Variants in BMERB1 observed in about 807,000 individuals in gnomAD.
BMERB1 encodes bMERB domain-containing protein 1.
BMERB1 carries 12 observed loss-of-function variants against 23.6 expected under a neutral mutation model. That is an observed-to-expected ratio of 0.51 (90% CI 0.33 to 0.82). BMERB1 has a LOEUF of 0.82. Among genes scored for constraint, BMERB1 ranks in the 40% least tolerant of loss-of-function variants. The pLI is 0.03. For synonymous variants in BMERB1, 122 were observed against 96.6 expected, an observed-to-expected ratio of 1.26 and a Z score of -1.54; for missense variants, 247 against 255.4, an observed-to-expected ratio of 0.97 and a Z score of 0.22.
intron 2 of BMERB1, among the ~76,000 whole-genome samples, chr16:15,549,952 G>C (rs943222182): frequency 6.6e-6 from 1 of 151,584 alleles, no homozygotes; most frequent in African/African-American, 2.4e-5. Flanking sequence ...CATTTCAAAA[G>C]CACGTTTTTT....
intron 4 of BMERB1, among the ~76,000 whole-genome samples, chr16:15,582,055 A>G (rs1367085317): frequency 6.6e-6 from 1 of 152,180 alleles, no homozygotes; most frequent in Non-Finnish European, 1.5e-5. Flanking sequence ...TCATGCTGCA[A>G]TGGACTTCTG....
chr16:15,547,794 G>T (rs955983761), intron 2 of BMERB1, among the ~76,000 whole-genome samples: 2 of 152,204 alleles, frequency 1.3e-5, no homozygotes, highest in African/African-American at 4.8e-5. Flanking sequence ...AGGATCCACA[G>T]GTCAGTGTCC....
intron 1 of BMERB1, 144 bp downstream of exon 1, chr16:15,434,903 C>T: frequency 1.5e-6 from 1 of 666,900 alleles, no homozygotes; most frequent in Non-Finnish European, 2.5e-6. Flanking sequence ...GGGGGATACG[C>T]AGCTCTGCGC....
At chr16:15,511,838 C>G (rs2051669742) in intron 1 of BMERB1, among the ~76,000 whole-genome samples, 1 of 151,824 alleles carries the variant, frequency 6.6e-6, no homozygotes, top group Admixed American at 6.6e-5. Flanking sequence ...ATGGCGAAAC[C>G]CTGTCTCTAC....
intron 2 of BMERB1, among the ~76,000 whole-genome samples, chr16:15,567,688 G>A (rs747464839): frequency 1.3e-5 from 2 of 152,022 alleles, no homozygotes; most frequent in East Asian, 1.9e-4. Flanking sequence ...GCTTGAACCC[G>A]GAAGGTGGAG....
intron 2 of BMERB1, among the ~76,000 whole-genome samples, chr16:15,551,002 A>G (rs916336949): frequency 2.6e-5 from 4 of 152,220 alleles, no homozygotes; most frequent in African/African-American, 9.6e-5. Flanking sequence ...ACACAGTGGC[A>G]GGAACTCGCA....
At chr16:15,566,731 A>G (rs779828745) in intron 2 of BMERB1, among the ~76,000 whole-genome samples, 2 of 152,208 alleles carry the variant, frequency 1.3e-5, no homozygotes, top group Non-Finnish European at 2.9e-5. Context: ...ATAATGGTAT[A>G]CTATGCAGCC....
chr16:15,525,945 A>G (rs142915231), intron 2 of BMERB1, among the ~76,000 whole-genome samples: 127 of 152,220 alleles, frequency 8.3e-4, no homozygotes, highest in African/African-American at 3.0e-3. Flanking sequence ...AGTAAAGATG[A>G]ACAGGTGATT....
intron 1 of BMERB1, among the ~76,000 whole-genome samples, chr16:15,444,975 A>G (rs2050976676): frequency 6.6e-6 from 1 of 152,170 alleles, no homozygotes; most frequent in African/African-American, 2.4e-5. Flanking sequence ...CAGCTCTTGC[A>G]AGCCTCAACC....
At chr16:15,536,686 T>C (rs1237802654) in intron 2 of BMERB1, 1 of 152,162 alleles carries the variant, frequency 6.6e-6, no homozygotes, top group Non-Finnish European at 1.5e-5. Flanking sequence ...TGCAATCACA[T>C]GGAGAACTTT....
intron 1 of BMERB1, among the ~76,000 whole-genome samples, chr16:15,452,109 A>G (rs1266257980): frequency 6.6e-6 from 1 of 151,574 alleles, no homozygotes; most frequent in African/African-American, 2.4e-5. Context: ...GGGAGATCCC[A>G]TCTCTACAAA....
intron 1 of BMERB1, among the ~76,000 whole-genome samples, chr16:15,504,849 C>T (rs185562154): frequency 2.0e-5 from 3 of 151,916 alleles, no homozygotes; most frequent in Non-Finnish European, 4.4e-5. Flanking sequence ...GATTCTCCCC[C>T]AACACTGACT....
chr16:15,467,654 C>T (rs1555506682), intron 1 of BMERB1, among the ~76,000 whole-genome samples: 2 of 152,172 alleles, frequency 1.3e-5, no homozygotes, highest in African/African-American at 4.8e-5. Context: ...CTTGTTTTTT[C>T]ACTTTCTTGT....
chr16:15,568,118 T>C (rs1168134761), intron 3 of BMERB1, 62 bp downstream of exon 3: 1 of 1,422,812 alleles, frequency 7.0e-7, no homozygotes, highest in Non-Finnish European at 9.8e-7. Flanking sequence ...GCCTGGCCCA[T>C]CTGTACGCCT....
At chr16:15,467,592 T>C (rs187310656) in intron 1 of BMERB1, among the ~76,000 whole-genome samples, 5 of 152,320 alleles carry the variant, frequency 3.3e-5, no homozygotes, top group African/African-American at 1.2e-4. Flanking sequence ...GTATTCTAAA[T>C]ACAGGTCCTT....
chr16:15,469,449 A>G (rs1192596683), intron 1 of BMERB1, among the ~76,000 whole-genome samples: 1 of 152,132 alleles, frequency 6.6e-6, no homozygotes, highest in Non-Finnish European at 1.5e-5. Context: ...ATATTTCTCA[A>G]ATTATTTTAG....
rs2050871716 is a variant in BMERB1, at chr16:15,434,722, G to A, written c.69G>A (p.Val23=). The A allele has an allele frequency of 6.2e-7, 1 of 1,612,062 alleles. No homozygotes were observed. The highest frequency in any genetic ancestry group is 8.5e-7 in the Non-Finnish European group (1 of 1,178,974). ...AGCCTCTGAGGCGCTATGGGGCGGT[G>A]GAGGAGACGGCTTGGAAAACGGAGA... The part of the protein sequence containing the change: ...AEKPLRRYGA[V]EETAWKTERL... The change falls in exon 1 of 6, where the codon GTG becomes GTA. Residue 23 remains valine (V), a synonymous_variant. Transcript: ENST00000300006.
At chr16:15,573,689 C>T (rs1203690702) in intron 3 of BMERB1, among the ~76,000 whole-genome samples, 1 of 152,134 alleles carries the variant, frequency 6.6e-6, no homozygotes, top group East Asian at 1.9e-4. Context: ...TTGTAGCCTC[C>T]AGCTGCATGA....
At chr16:15,520,111 A>C (rs2051831980) in intron 2 of BMERB1, among the ~76,000 whole-genome samples, 1 of 152,082 alleles carries the variant, frequency 6.6e-6, no homozygotes, top group Non-Finnish European at 1.5e-5. Context: ...AGTAAGTTCT[A>C]TCTCTTTTAT....
Sources: gnomAD v4.1 joint callset for allele counts (sites outside exome capture counted in the v4.1 genomes callset) on GRCh38, gnomAD v4.1.1 for gene constraint, MANE v1.5 for transcripts, NCBI Gene and HGNC (gene_info 2026-07-23, HGNC 2026-07-21) for gene names.